The following PRDX1 variants were observed in gnomAD, a reference collection of about 807,000 sequenced individuals.
PRDX1 encodes the protein peroxiredoxin-1.
A neutral mutation model predicts 20.7 loss-of-function variants in PRDX1; 19 were observed. The ratio of observed to expected loss-of-function variants is 0.92; its 90% CI spans 0.64 to 1.35. The LOEUF (loss-of-function observed/expected upper bound fraction) is 1.35. Ranked by LOEUF, PRDX1 falls within the 40% of genes most tolerant of loss-of-function variation. The probability of loss-of-function intolerance (pLI) is 0.00; values close to 1 mark genes in which losing one functional copy is unlikely to be tolerated. For missense variants in PRDX1, 226 were observed against 240.0 expected (o/e 0.94, Z 0.38); for synonymous variants, 89 against 83.9 (o/e 1.06, Z -0.33).
intron 3 of PRDX1, 130 bp from the exon 4 acceptor site, chr1:45,515,125 A>G: frequency 7.6e-7 from 1 of 1,312,876 alleles, no homozygotes; most frequent in Non-Finnish European, 1.1e-6. Flanking sequence ...TTCCAGCAAT[A>G]AAGTGAATGC....
rs755611401 is a variant in PRDX1, at chr1:45,514,914, C to T, written c.342G>A (p.Gln114=). 1.7e-5 allele frequency: 28 copies of T among 1,614,084 alleles called. No homozygotes were observed. Among genetic ancestry groups the T allele is most frequent in the Non-Finnish European group, 2.4e-5 (28 of 1,180,036 alleles). ...LVSDPKRTIA[Q]DYGVLKADEG... ...CATCAGCCTTTAAGACCCCATAATCCTGAGCAATGGTGCGCTTCGGGTCTG... is the reference window on the plus strand; with the variant it reads ...CATCAGCCTTTAAGACCCCATAATCTTGAGCAATGGTGCGCTTCGGGTCTG... The change falls in exon 4 of 6, where the codon CAG becomes CAA. Residue 114 remains glutamine (Q), a synonymous_variant. Coordinates refer to ENST00000319248, the MANE Select transcript of PRDX1 (RefSeq NM_181697.3).
intron 5 of PRDX1, among the ~76,000 whole-genome samples, chr1:45,514,255 C>T (rs1643815576): frequency 6.6e-6 from 1 of 152,154 alleles, no homozygotes; most frequent in Admixed American, 6.6e-5. Context: ...TCCTATGACC[C>T]TGCCACATCC....
chr1:45,514,730 C>G (rs945272815), intron 4 of PRDX1, 93 bp from the exon 5 acceptor site: 1 of 1,576,262 alleles, frequency 6.3e-7, no homozygotes, highest in Non-Finnish European at 8.7e-7. Flanking sequence ...ATGGACTGGT[C>G]TCCACACTCC....
chr1:45,515,224 GA>G (rs1314406842), intron 3 of PRDX1, among the ~76,000 whole-genome samples: 1 of 152,126 alleles, frequency 6.6e-6, no homozygotes, highest in Admixed American at 6.6e-5. Flanking sequence ...AGCAATAAGA[GA>G]AAGTCAGACT....
intron 3 of PRDX1, 50 bp downstream of exon 3, chr1:45,515,604 A>C (rs966430660): frequency 1.6e-6 from 2 of 1,244,896 alleles, no homozygotes; most frequent in Non-Finnish European, 2.1e-6. Context: ...ATCTCAAAAA[A>C]AAAAAAAAAA....
chr1:45,521,454 G>A (rs35645395), intron 1 of PRDX1, among the ~76,000 whole-genome samples: 1,839 of 152,308 alleles, frequency 0.012, 27 homozygotes, highest in Non-Finnish European at 0.019. Context: ...GTCTTCTACA[G>A]CCACGAGTCT....
intron 2 of PRDX1, among the ~76,000 whole-genome samples, chr1:45,516,664 A>ACAATTC (rs1643864489): frequency 6.6e-6 from 1 of 152,142 alleles, no homozygotes; most frequent in South Asian, 2.1e-4. Context: ...AAATACTAGA[A>ACAATTC]CAATTCCAAA....
chr1:45,516,501 G>C (rs1643863424), intron 2 of PRDX1, among the ~76,000 whole-genome samples: 1 of 152,000 alleles, frequency 6.6e-6, no homozygotes, highest in Admixed American at 6.6e-5. Context: ...GAGAGAGAGA[G>C]AAAGAGGGAG....
intron 1 of PRDX1, among the ~76,000 whole-genome samples, chr1:45,521,396 G>A (rs960005028): frequency 6.6e-6 from 1 of 152,176 alleles, no homozygotes; most frequent in Non-Finnish European, 1.5e-5. Context: ...CCGAAGCTCC[G>A]CAGCTAGTCA....
intron 1 of PRDX1, among the ~76,000 whole-genome samples, chr1:45,520,239 G>A (rs1643897748): frequency 1.4e-5 from 2 of 145,492 alleles, no homozygotes; most frequent in African/African-American, 5.3e-5. Context: ...GCAAGACCAA[G>A]ATATTGATTG....
chr1:45,516,879 G>A (rs968105758), intron 2 of PRDX1, among the ~76,000 whole-genome samples: 2 of 151,962 alleles, frequency 1.3e-5, no homozygotes, highest in South Asian at 2.1e-4. Context: ...AAATTAGCTG[G>A]GTGTGACAGC....
chr1:45,519,075 T>C (rs781244210), intron 1 of PRDX1, 21 bp from the exon 2 acceptor site: 10 of 1,501,594 alleles, frequency 6.7e-6, no homozygotes, highest in Middle Eastern at 3.4e-4. Context: ...CAGAAATGAA[T>C]TAGAAACAAG....
rs767893863 is a variant in PRDX1 at position 45,514,603 on chromosome 1, G to A, written c.418C>T (p.Arg140Trp). Residue 140 changes from arginine to tryptophan, a missense_variant, in exon 5 of 6, where the codon CGG becomes TGG. Arg to Trp is a moderately radical substitution (Grantham distance 101). Coordinates refer to ENST00000319248, the MANE Select transcript of PRDX1 (RefSeq NM_181697.3). ...LFIIDDKGIL[R>W]QITVNDLPVG... is the part of the protein sequence containing the mutation. The stretch of plus-strand genomic sequence containing the variant: ...GGGAGGTCATTTACAGTGATCTGCC[G>A]AAGAATACCCTTATCATCAATGATA... 6.8e-6 allele frequency: 11 copies of A among 1,613,494 alleles called. No individual in the cohort carries two copies. In the Admixed American group the frequency reaches 8.3e-5, roughly 12 times the overall value.
chr1:45,515,056 T>A (rs1180122408), intron 3 of PRDX1, 61 bp from the exon 4 acceptor site: 1 of 1,582,298 alleles, frequency 6.3e-7, no homozygotes, highest in African/African-American at 1.4e-5. Flanking sequence ...TACGCATTCC[T>A]CTTTCCCCTT....
intron 5 of PRDX1, chr1:45,511,865 T>A (rs561004710): frequency 6.6e-6 from 1 of 152,650 alleles, no homozygotes; most frequent in Admixed American, 6.5e-5. Context: ...CTGAACCTTA[T>A]AAAGGATCAA....
intron 3 of PRDX1, among the ~76,000 whole-genome samples, chr1:45,515,416 G>A (rs1037682587): frequency 2.6e-5 from 4 of 151,878 alleles, no homozygotes; most frequent in South Asian, 2.1e-4. Context: ...TGACTAACAC[G>A]GTGAAACACC....
At chr1:45,515,615 A>G in intron 3 of PRDX1, 39 bp downstream of exon 3, 1 of 1,500,046 alleles carries the variant, frequency 6.7e-7, no homozygotes, top group Non-Finnish European at 8.9e-7. Flanking sequence ...AAAAAAAAAA[A>G]AAAAAAAGTT....
intron 1 of PRDX1, among the ~76,000 whole-genome samples, chr1:45,520,206 A>G (rs1347624432): frequency 1.7e-5 from 1 of 59,338 alleles, no homozygotes; most frequent in Non-Finnish European, 3.6e-5. Flanking sequence ...CTCTGTCTCC[A>G]AAAAAAAAAA....
At chr1:45,515,598 C>CAAAAAAAAAAAAAAAAAAAAAAAAAA (rs67528538) in intron 3 of PRDX1, 56 bp downstream of exon 3, 18 of 908,660 alleles carry the variant, frequency 2.0e-5, no homozygotes, top group South Asian at 1.4e-4. Context: ...GACTCCATCT[C>CAAAAAAAAAAAAAAAAAAAAAAAAAA]AAAAAAAAAA....
Sources: allele counts gnomAD v4.1 joint callset (sites outside exome capture counted in the v4.1 genomes callset), GRCh38; gene constraint gnomAD v4.1.1; transcripts MANE v1.5; gene names NCBI Gene and HGNC (gene_info 2026-07-23, HGNC 2026-07-21).